FOXP2: variants seen among roughly 807,000 people sequenced by gnomAD.
The protein encoded by FOXP2 is forkhead box protein P2.
Under a neutral mutation model 115.8 loss-of-function variants are expected in FOXP2, and 12 were observed. That is an observed-to-expected ratio of 0.10 (90% CI 0.07 to 0.17). FOXP2 has a LOEUF of 0.17. Ranked by LOEUF, FOXP2 falls within the 10% of genes least tolerant of loss-of-function variation. The probability of loss-of-function intolerance (pLI) is 1.00; values close to 1 mark genes in which losing one functional copy is unlikely to be tolerated. For synonymous variants in FOXP2, 328 were observed against 297.7 expected (o/e 1.10, Z -1.05); for missense variants, 629 against 843.5 (o/e 0.75, Z 3.15).
At chr7:114,642,812 A>ATATATATATATATAT (rs1308357594) in intron 7 of FOXP2, among the ~76,000 whole-genome samples, 189 bp downstream of exon 7, 4 of 72,430 alleles carry the variant, frequency 5.5e-5, no homozygotes, top group African/African-American at 2.9e-4. Flanking sequence ...ATATATATAT[A>ATATATATATATATAT]TTTTTTTTTT....
At chr7:114,211,782 A>G (rs1039998503) in intron 1 of FOXP2, among the ~76,000 whole-genome samples, 26 of 152,126 alleles carry the variant, frequency 1.7e-4, no homozygotes, top group African/African-American at 5.8e-4. Flanking sequence ...TAAAAATATA[A>G]TTTGTTTCTG....
intron 1 of FOXP2, among the ~76,000 whole-genome samples, chr7:114,088,697 C>T (rs1799478644): frequency 6.6e-6 from 1 of 152,182 alleles, no homozygotes; most frequent in African/African-American, 2.4e-5. Context: ...TGTGGCATAC[C>T]TTGGGAAATG....
At chr7:114,677,905 G>T (rs1807862841) in intron 16 of FOXP2, among the ~76,000 whole-genome samples, 2 of 152,176 alleles carry the variant, frequency 1.3e-5, no homozygotes, top group Non-Finnish European at 1.5e-5. Flanking sequence ...CCTATTGTGT[G>T]CATCATACTC....
chr7:114,602,589 T>C (rs977924528), intron 3 of FOXP2, among the ~76,000 whole-genome samples: 1 of 152,046 alleles, frequency 6.6e-6, no homozygotes, highest in African/African-American at 2.4e-5. Context: ...TAATATTTTA[T>C]CTGTATTCCA....
intron 3 of FOXP2, among the ~76,000 whole-genome samples, chr7:114,554,167 A>G (rs1800344650): frequency 6.6e-6 from 1 of 152,154 alleles, no homozygotes; most frequent in South Asian, 2.1e-4. Flanking sequence ...TTTTAGGGTC[A>G]GGAAACATTT....
intron 5 of FOXP2, 32 bp downstream of exon 5, chr7:114,630,037 A>G: frequency 6.2e-7 from 1 of 1,605,538 alleles, no homozygotes; most frequent in Non-Finnish European, 8.5e-7. Context: ...GATACATAAC[A>G]GTTTGCAGTT....
At chr7:114,266,367 G>T (rs1242769576) in intron 1 of FOXP2, among the ~76,000 whole-genome samples, 1 of 152,158 alleles carries the variant, frequency 6.6e-6, no homozygotes, top group Admixed American at 6.5e-5. Context: ...TTTATAAAGA[G>T]GTTTAATTGG....
chr7:114,332,011 A>C (rs1240925674), intron 2 of FOXP2, among the ~76,000 whole-genome samples: 1 of 152,100 alleles, frequency 6.6e-6, no homozygotes, highest in East Asian at 1.9e-4. Flanking sequence ...TTGATTAACG[A>C]AAAAGCATAC....
chr7:114,684,203 G>C (rs911653063), intron 16 of FOXP2, among the ~76,000 whole-genome samples: 1 of 152,122 alleles, frequency 6.6e-6, no homozygotes, highest in African/African-American at 2.4e-5. Flanking sequence ...TCAAGAACTT[G>C]AGATTTTTCC....
chr7:114,656,559 G>T, intron 10 of FOXP2: 1 of 434,240 alleles, frequency 2.3e-6, no homozygotes, highest in Non-Finnish European at 4.6e-6. Flanking sequence ...TGTATTAAAT[G>T]CAGCATTTAG....
At chr7:114,500,612 C>G (rs1343174561) in intron 2 of FOXP2, among the ~76,000 whole-genome samples, 2 of 151,798 alleles carry the variant, frequency 1.3e-5, no homozygotes, top group Non-Finnish European at 2.9e-5. Flanking sequence ...TTCAAAGAAC[C>G]TTAGGGATAC....
intron 1 of FOXP2, among the ~76,000 whole-genome samples, chr7:114,119,128 TAA>T (rs1346626718): frequency 6.6e-6 from 1 of 152,140 alleles, no homozygotes; most frequent in Admixed American, 6.6e-5. Flanking sequence ...ACTAATAGCC[TAA>T]GTTAGTTATT....
At chr7:114,438,050 T>C (rs186674625) in intron 2 of FOXP2, among the ~76,000 whole-genome samples, 1 of 152,310 alleles carries the variant, frequency 6.6e-6, no homozygotes, top group African/African-American at 2.4e-5. Flanking sequence ...AAATGAAATA[T>C]ATTATTTGAA....
At chr7:114,463,376 C>T (rs997524243) in intron 2 of FOXP2, among the ~76,000 whole-genome samples, 1 of 152,188 alleles carries the variant, frequency 6.6e-6, no homozygotes, top group African/African-American at 2.4e-5. Flanking sequence ...CTGTTCAACA[C>T]AATGGCCACT....
intron 3 of FOXP2, among the ~76,000 whole-genome samples, chr7:114,627,618 T>A (rs1275263692): frequency 1.3e-5 from 2 of 152,142 alleles, no homozygotes; most frequent in Non-Finnish European, 2.9e-5. Context: ...GTCCTTTTTC[T>A]ACGTTTTCCT....
chr7:114,220,262 A>G (rs1402140095), intron 1 of FOXP2, among the ~76,000 whole-genome samples: 5 of 152,028 alleles, frequency 3.3e-5, no homozygotes, highest in African/African-American at 1.2e-4. Flanking sequence ...TAAAAAAAAT[A>G]ATGGGAACAA....
intron 1 of FOXP2, among the ~76,000 whole-genome samples, chr7:114,173,327 G>A (rs566769038): frequency 1.8e-4 from 27 of 151,658 alleles, no homozygotes; most frequent in African/African-American, 6.5e-4. Flanking sequence ...CAGATATGGG[G>A]TGTTTTCTTG....
At chr7:114,190,967 T>A (rs1280088528) in intron 1 of FOXP2, among the ~76,000 whole-genome samples, 1 of 152,152 alleles carries the variant, frequency 6.6e-6, no homozygotes, top group Non-Finnish European at 1.5e-5. Flanking sequence ...ATCAGTCCTC[T>A]TCCAGAGGTA....
chr7:114,553,582 G>A (rs2129288222), intron 3 of FOXP2, among the ~76,000 whole-genome samples: 1 of 152,234 alleles, frequency 6.6e-6, no homozygotes, highest in Middle Eastern at 3.4e-3. Context: ...AGATTAAAGA[G>A]AGACAGTTTT....
Sources: allele counts gnomAD v4.1 joint callset (sites outside exome capture counted in the v4.1 genomes callset), GRCh38; gene constraint gnomAD v4.1.1; transcripts MANE v1.5; gene names NCBI Gene and HGNC (gene_info 2026-07-23, HGNC 2026-07-21).